COL4A5: variants seen among roughly 807,000 people sequenced by gnomAD.
The protein encoded by COL4A5 is collagen alpha-5(IV) chain.
COL4A5 carries 26 observed loss-of-function variants against 130.2 expected under a neutral mutation model. The ratio of observed to expected loss-of-function variants is 0.20; its 90% CI spans 0.15 to 0.28. The LOEUF (loss-of-function observed/expected upper bound fraction) is 0.28. COL4A5 is among the 10% of genes least tolerant of loss of function. The pLI is 1.00. For synonymous variants in COL4A5, 496 were observed against 439.6 expected (o/e 1.13, Z -1.60); for missense variants, 1,131 against 1,344.3 (o/e 0.84, Z 2.48).
chrX:108,480,020 C>T (rs1333937205), intron 1 of COL4A5, among the ~76,000 whole-genome samples: 4 of 111,813 alleles, frequency 3.6e-5, no homozygotes, highest in African/African-American at 6.5e-5. Context: ...AGCTCAAGCA[C>T]AATTGGATCT....
chrX:108,687,381 A>G, intron 48 of COL4A5, 101 bp from the exon 49 acceptor site: 1 of 722,892 alleles, frequency 1.4e-6, no homozygotes, highest in Middle Eastern at 4.6e-4. Flanking sequence ...TAAATATCAA[A>G]TAAATTAACT....
intron 1 of COL4A5, among the ~76,000 whole-genome samples, chrX:108,459,300 C>T (rs1199063006): frequency 9.0e-6 from 1 of 111,288 alleles, no homozygotes; most frequent in Non-Finnish European, 1.9e-5. Flanking sequence ...CTAGTCTTCA[C>T]ACTCCTTTTT....
Position 108,527,093 on chromosome X carries a change from G to A in COL4A5, c.82-12653G>A, listed in dbSNP as rs113128653. Among the ~76,000 whole-genome samples, 804 of 110,587 alleles carry A rather than the reference G, an allele frequency of 7.3e-3. 4 individuals carry two copies. Among genetic ancestry groups the A allele is most frequent in the East Asian group, 0.038 (133 of 3,487 alleles). On this transcript the variant is annotated intron_variant, in intron 1 of 52. Transcript: ENST00000328300. ...CTGGCATTGACTTTTTGAAGAGTCC[G>A]TGCTAGTTGTTTTTTATAATGTACC...
intron 36 of COL4A5, among the ~76,000 whole-genome samples, chrX:108,645,731 T>TCCCCCCAC (rs2067568842): frequency 1.3e-5 from 1 of 78,012 alleles, no homozygotes; most frequent in Non-Finnish European, 2.5e-5. Flanking sequence ...CCTTCCCCCC[T>TCCCCCCAC]CCCCCGACCC....
rs2147956512 is a variant in COL4A5, at chrX:108,667,179, T to G, written c.3600T>G (p.Leu1200=). ...CAGGACCCCCTGGACTTCCAGGACT[T>G]TCTGGTAAACCTTAATAAAACATGC... ...GNPGPPGLPG[L]SGQKGDGGLP... The change falls in exon 40 of 53, where the codon CTT becomes CTG. Residue 1200 remains leucine (L), a synonymous_variant. Transcript: ENST00000328300. 2 of 1,203,190 alleles carry G rather than the reference T, an allele frequency of 1.7e-6. No homozygotes were observed. The highest frequency in any genetic ancestry group is 2.3e-6 in the Non-Finnish European group (2 of 887,553).
At position 108,551,936 on chromosome X, in the gene COL4A5, C is replaced by T. The variant is rs1296966927; in HGVS notation, c.142-7128C>T. On this transcript the variant is annotated intron_variant, in intron 2 of 52. Coordinates refer to ENST00000328300, the MANE Select transcript of COL4A5 (RefSeq NM_033380.3). ...ATGGATGCAACTGGAAGCCATTATC[C>T]TTAGCTAATTAACACAGGAACAGAA... is the stretch of plus-strand genomic sequence containing the variant. Among the ~76,000 whole-genome samples the T allele has an allele frequency of 1.3e-4, 15 of 112,005 alleles. No individual in the cohort carries two copies. In the Admixed American group the frequency reaches 1.4e-3, roughly 11 times the overall value.
intron 1 of COL4A5, among the ~76,000 whole-genome samples, chrX:108,486,928 G>A (rs1299309873): frequency 8.9e-6 from 1 of 112,092 alleles, no homozygotes; most frequent in Non-Finnish European, 1.9e-5. Context: ...GTTTGTTTTT[G>A]CTTGTTTGTT....
chrX:108,657,090 A>G (rs1196054915), intron 37 of COL4A5, among the ~76,000 whole-genome samples: 2 of 111,981 alleles, frequency 1.8e-5, no homozygotes, highest in Non-Finnish European at 3.8e-5. Flanking sequence ...GAGGTTATGG[A>G]AATAATCTTC....
chrX:108,535,732 C>T (rs999522966), intron 1 of COL4A5, among the ~76,000 whole-genome samples: 34 of 111,262 alleles, frequency 3.1e-4, no homozygotes, highest in African/African-American at 9.4e-4. Context: ...ATATGTCCTC[C>T]GGGAAAAAGT....
At position 108,550,873 on chromosome X, in the gene COL4A5, C is replaced by T. The variant is rs779557232; in HGVS notation, c.142-8191C>T. On this transcript the variant is annotated intron_variant, in intron 2 of 52. Coordinates refer to ENST00000328300, the MANE Select transcript of COL4A5 (RefSeq NM_033380.3). ...CAAACTAAGATCAGTAAATAAAAAT[C>T]GGTTGTATGAGCAATGGGGAAATAA... 2.0e-4 allele frequency among the ~76,000 whole-genome samples: 22 copies of T among 110,764 alleles called. No homozygotes were observed. In the South Asian group the frequency reaches 5.3e-3, roughly 27 times the overall value.
intron 1 of COL4A5, among the ~76,000 whole-genome samples, chrX:108,495,318 A>G (rs1289369078): frequency 3.6e-5 from 4 of 111,784 alleles, no homozygotes; most frequent in Non-Finnish European, 7.5e-5. Context: ...CTTAGACGTA[A>G]TACCAAAAGC....
chrX:108,502,966 A>G lies in COL4A5; in HGVS notation c.82-36780A>G, dbSNP rs183082339. Among the ~76,000 whole-genome samples, 169 of 112,296 alleles carry G rather than the reference A, an allele frequency of 1.5e-3. 12 individuals carry two copies. The highest frequency in any genetic ancestry group is 4.5e-4 in the Non-Finnish European group (24 of 53,282). On this transcript the variant is annotated intron_variant, in intron 1 of 52. Coordinates refer to ENST00000328300, the MANE Select transcript of COL4A5 (RefSeq NM_033380.3). The stretch of plus-strand genomic sequence containing the variant: ...TCTTAAATGTGTGGGTTTTCCCTCT[A>G]TCCCTTACTTTTCTTTACAATTAAT...
At chrX:108,464,174 G>C (rs1468966523) in intron 1 of COL4A5, among the ~76,000 whole-genome samples, 1 of 111,863 alleles carries the variant, frequency 8.9e-6, no homozygotes, top group Non-Finnish European at 1.9e-5. Context: ...AAGCCTAATA[G>C]TTTGTTTTCC....
intron 1 of COL4A5, among the ~76,000 whole-genome samples, chrX:108,530,215 T>A (rs1417107592): frequency 9.0e-6 from 1 of 111,346 alleles, no homozygotes; most frequent in East Asian, 2.8e-4. Context: ...TTCAGACCAC[T>A]TTGGAATAAA....
chrX:108,674,777 C>A (rs866695892), intron 43 of COL4A5, 24 bp downstream of exon 43: 47 of 980,719 alleles, frequency 4.8e-5, no homozygotes, highest in Non-Finnish European at 5.8e-5. Flanking sequence ...CTGGTCAATT[C>A]TTTTTTTTTT....
chrX:108,645,834 G>A (rs2067572279), intron 36 of COL4A5, among the ~76,000 whole-genome samples: 1 of 106,458 alleles, frequency 9.4e-6, no homozygotes, highest in African/African-American at 3.4e-5. Context: ...TGCGGTGTTT[G>A]GTTTTTTGTC....
chrX:108,482,168 T>C (rs910430298), intron 1 of COL4A5, among the ~76,000 whole-genome samples: 1 of 111,773 alleles, frequency 8.9e-6, no homozygotes, highest in Non-Finnish European at 1.9e-5. Context: ...ATACCCTTAA[T>C]ATCCATTCTC....
Position 108,633,656 on chromosome X carries a change from A to C in COL4A5, c.3246+7307A>C, listed in dbSNP as rs191878616. 7.5e-4 allele frequency among the ~76,000 whole-genome samples: 84 copies of C among 111,380 alleles called. No homozygotes were observed. The East Asian group carries it at 0.022, about 29-fold the overall frequency. On this transcript the variant is annotated intron_variant, in intron 36 of 52. Transcript: ENST00000328300. ...TATGTTTTAATTGGTAAATGTCCAAAGTATATTCAACTCTACAAGCAAGAG... is the reference window on the plus strand; with the variant it reads ...TATGTTTTAATTGGTAAATGTCCAACGTATATTCAACTCTACAAGCAAGAG...
At chrX:108,546,815 T>C (rs1414743302) in intron 2 of COL4A5, among the ~76,000 whole-genome samples, 2 of 111,835 alleles carry the variant, frequency 1.8e-5, no homozygotes, top group Non-Finnish European at 3.8e-5. Context: ...TTTCTTTTTA[T>C]TCTTTTTTCT....
Sources: gnomAD v4.1 joint callset for allele counts (sites outside exome capture counted in the v4.1 genomes callset) on GRCh38, gnomAD v4.1.1 for gene constraint, MANE v1.5 for transcripts, NCBI Gene and HGNC (gene_info 2026-07-23, HGNC 2026-07-21) for gene names.